Variants in DCHS2 observed in about 807,000 individuals in gnomAD.
DCHS2 encodes the protein protocadherin-23.
Under a neutral mutation model 182.4 loss-of-function variants are expected in DCHS2, and 142 were observed. The observed-to-expected ratio is 0.78, with a 90% CI of 0.68 to 0.89. The LOEUF is 0.89. DCHS2 is among the 40% of genes least tolerant of loss of function. The pLI is 0.00. For missense variants in DCHS2, 4,319 were observed against 4,198.6 expected (o/e 1.03, Z -0.79); for synonymous variants, 1,740 against 1,663.3 (o/e 1.05, Z -1.12).
chr4:154,240,189 A>G (rs893911631), intron 18 of DCHS2, among the ~76,000 whole-genome samples: 2 of 152,128 alleles, frequency 1.3e-5, no homozygotes, highest in African/African-American at 4.8e-5. Flanking sequence ...AAATATGCCT[A>G]TGAAAGAAAG....
In DCHS2 at chr4:154,414,178, A is replaced by ATT. The variant is rs1269103854; in HGVS notation, c.2053-36736_2053-36735dup. On this transcript the variant is annotated intron_variant, in intron 1 of 19. Coordinates refer to ENST00000357232, the MANE Select transcript of DCHS2 (RefSeq NM_001358235.2). ...TTGAAGAAATAAATCAAATAAATCA[A>ATT]TTATATATATATATATATAGAGAGA... Among the ~76,000 whole-genome samples the ATT allele has an allele frequency of 7.2e-5, 10 of 138,718 alleles. 1 individual carries two copies. The East Asian group carries it at 1.0e-3, about 14-fold the overall frequency. The allele number at this position is 138,718 out of a possible 152,430, so 91.0% of individuals were successfully genotyped here. A position where few individuals can be genotyped will look rare whatever the true frequency, so the allele number is the denominator to read the frequency against.
At position 154,400,218 on chromosome 4, in the gene DCHS2, G is replaced by T. The variant is rs193149536; in HGVS notation, c.2053-22774C>A. The stretch of plus-strand genomic sequence containing the variant: ...CTCGGGAAGCTGAGGCAGGAGAATG[G>T]TGTGAACCCGGGAGGCGGAGCCTGC... On this transcript the variant is annotated intron_variant, in intron 1 of 19. Coordinates refer to ENST00000357232, the MANE Select transcript of DCHS2 (RefSeq NM_001358235.2). 1.9e-3 allele frequency among the ~76,000 whole-genome samples: 289 copies of T among 151,294 alleles called. 1 individual carries two copies. The highest frequency in any genetic ancestry group is 6.9e-3 in the Middle Eastern group (2 of 288).
intron 13 of DCHS2, among the ~76,000 whole-genome samples, chr4:154,294,831 C>T (rs1241203620): frequency 6.6e-6 from 1 of 152,186 alleles, no homozygotes; most frequent in Non-Finnish European, 1.5e-5. Context: ...TCTGACTTGG[C>T]AGGGCTGGGT....
chr4:154,385,780 C>T (rs1731386719), intron 1 of DCHS2, among the ~76,000 whole-genome samples: 1 of 152,082 alleles, frequency 6.6e-6, no homozygotes, highest in Non-Finnish European at 1.5e-5. Context: ...GTGTGAGCCA[C>T]CACGCCCAGC....
intron 2 of DCHS2, among the ~76,000 whole-genome samples, chr4:154,372,978 C>A (rs887065897): frequency 2.0e-5 from 3 of 152,078 alleles, no homozygotes; most frequent in Non-Finnish European, 4.4e-5. Flanking sequence ...GGGTTCTCAG[C>A]AATTTTCTTC....
chr4:154,406,585 C>T (rs1411154313), intron 1 of DCHS2, among the ~76,000 whole-genome samples: 1 of 152,188 alleles, frequency 6.6e-6, no homozygotes, highest in East Asian at 1.9e-4. Context: ...TTGTGAAAAT[C>T]AACCCCACCC....
chr4:154,464,989 T>C (rs1735179118), intron 1 of DCHS2, among the ~76,000 whole-genome samples: 1 of 152,216 alleles, frequency 6.6e-6, no homozygotes, highest in East Asian at 1.9e-4. Context: ...CCCAGGCAAC[T>C]GGCAGAAGGT....
In DCHS2 at chr4:154,322,609, G is replaced by A. The variant is rs368885492; in HGVS notation, c.4019-121C>T. On this transcript the variant is annotated intron_variant, in intron 7 of 19. Transcript: ENST00000357232. ...TTTGCTTTGAATTCTATGAGAGTAT[G>A]AACACAAAAATGACACTAAAAATAG... 3.5e-5 allele frequency: 44 copies of A among 1,268,770 alleles called. No homozygotes were observed. The African/African-American group carries it at 4.8e-4, about 14-fold the overall frequency. 78.6% of individuals were successfully genotyped at this position (1,268,770 alleles called of 1,614,324 possible).
chr4:154,441,236 T>A (rs1392274589), intron 1 of DCHS2, among the ~76,000 whole-genome samples: 2 of 152,180 alleles, frequency 1.3e-5, no homozygotes, highest in Non-Finnish European at 2.9e-5. Context: ...CCAAAATATC[T>A]TCAATATGAT....
chr4:154,412,639 G>C (rs1199169946), intron 1 of DCHS2, among the ~76,000 whole-genome samples: 2 of 152,098 alleles, frequency 1.3e-5, no homozygotes, highest in Non-Finnish European at 2.9e-5. Flanking sequence ...ATCAAACATA[G>C]CTTTATAGGA....
intron 1 of DCHS2, among the ~76,000 whole-genome samples, chr4:154,476,054 A>G (rs1735667612): frequency 1.3e-5 from 2 of 152,226 alleles, no homozygotes; most frequent in Admixed American, 6.5e-5. Flanking sequence ...GAGGAAATAT[A>G]TCTACTATAA....
At chr4:154,337,943 G>T (rs928656219) in intron 3 of DCHS2, among the ~76,000 whole-genome samples, 4 of 152,056 alleles carry the variant, frequency 2.6e-5, no homozygotes, top group Non-Finnish European at 5.9e-5. Flanking sequence ...GTTTCACCAT[G>T]TTGGCCAGCC....
At chr4:154,369,462 A>T (rs991538838) in intron 2 of DCHS2, among the ~76,000 whole-genome samples, 1 of 152,176 alleles carries the variant, frequency 6.6e-6, no homozygotes, top group African/African-American at 2.4e-5. Context: ...AATTTTCTCC[A>T]TCCACTTAGA....
chr4:154,335,687 A>G (rs942071467), intron 3 of DCHS2, among the ~76,000 whole-genome samples: 8 of 152,150 alleles, frequency 5.3e-5, no homozygotes, highest in Non-Finnish European at 8.8e-5. Flanking sequence ...ACACACACAC[A>G]CACATACATC....
At chr4:154,362,592 G>C (rs1162676108) in intron 3 of DCHS2, among the ~76,000 whole-genome samples, 2 of 152,138 alleles carry the variant, frequency 1.3e-5, no homozygotes, top group East Asian at 1.9e-4. Flanking sequence ...CTACAGTTGA[G>C]CCTTGAATAA....
chr4:154,420,787 G>T (rs1266419256), intron 1 of DCHS2, among the ~76,000 whole-genome samples: 11 of 152,124 alleles, frequency 7.2e-5, no homozygotes, highest in Admixed American at 7.2e-4. Flanking sequence ...TGTTTTTCCA[G>T]ATACCTGGGT....
chr4:154,236,256 C>G lies in DCHS2; in HGVS notation c.8396G>C (p.Gly2799Ala). Residue 2799 changes from glycine to alanine, a missense_variant, in exon 20 of 20, where the codon GGT becomes GCT. Coordinates refer to ENST00000357232, the MANE Select transcript of DCHS2 (RefSeq NM_001358235.2). ...AGAATAGGTCAATTCTCCATACGGA[C>G]CAGCATCAAAATCCAGAGCATTTAT... ...CSINALDFDA[G>A]PYGELTYSIV... 6.2e-7 allele frequency: 1 copy of G among 1,613,968 alleles called. No homozygotes were observed. The highest frequency in any genetic ancestry group is 8.5e-7 in the Non-Finnish European group (1 of 1,179,946).
In DCHS2 at chr4:154,298,641, C is replaced by A; in HGVS notation, c.5673G>T (p.Leu1891Phe). The A allele has an allele frequency of 6.2e-7, 1 of 1,613,654 alleles. No individual in the cohort carries two copies. The highest frequency in any genetic ancestry group is 1.3e-5 in the African/African-American group (1 of 75,022). The stretch of plus-strand genomic sequence containing the variant: ...TAAAATTGCTGATTTGCTCCCGGTC[C>A]AAAGCACGAGTGGTTGAGAGTTCTC... ...MSGELSTTRALDREQISNFTL... is the reference protein window; with the variant it reads ...MSGELSTTRAFDREQISNFTL... Residue 1891 changes from leucine (L) to phenylalanine (F), a missense_variant, in exon 13 of 20, where the codon TTG (leucine) becomes TTT (phenylalanine). Physicochemically the swap from Leu to Phe is conservative, Grantham distance 22. Coordinates refer to ENST00000357232, the MANE Select transcript of DCHS2 (RefSeq NM_001358235.2).
At chr4:154,453,101 T>G (rs1177803758) in intron 1 of DCHS2, among the ~76,000 whole-genome samples, 2 of 151,988 alleles carry the variant, frequency 1.3e-5, no homozygotes, top group South Asian at 2.1e-4. Flanking sequence ...GAGATGCAGC[T>G]AAACTTTGAG....
Sources: gnomAD v4.1 joint callset for allele counts (sites outside exome capture counted in the v4.1 genomes callset) on GRCh38, gnomAD v4.1.1 for gene constraint, MANE v1.5 for transcripts, NCBI Gene and HGNC (gene_info 2026-07-23, HGNC 2026-07-21) for gene names.